NTF3: variants seen among roughly 807,000 people sequenced by gnomAD.
The protein encoded by NTF3 is neurotrophin 3.
Under a neutral mutation model 26.3 loss-of-function variants are expected in NTF3, and 8 were observed. The observed-to-expected ratio is 0.30, with a 90% confidence interval of 0.18 to 0.55. NTF3 has a LOEUF of 0.55. Ranked by LOEUF, NTF3 falls within the 20% of genes least tolerant of loss-of-function variation. NTF3 has a pLI of 0.93. For synonymous variants in NTF3, 154 were observed against 145.5 expected, an observed-to-expected ratio of 1.06 and a Z score of -0.42; for missense variants, 276 against 352.9, an observed-to-expected ratio of 0.78 and a Z score of 1.75.
chr12:5,485,746 TG>T (rs1159591986), intron 1 of NTF3, among the ~76,000 whole-genome samples: 2 of 152,194 alleles, frequency 1.3e-5, no homozygotes, highest in African/African-American at 4.8e-5. Context: ...TGTTTGGGGC[TG>T]GAGTCACAGT....
At chr12:5,486,614 A>T (rs1033022426) in intron 1 of NTF3, among the ~76,000 whole-genome samples, 1 of 152,138 alleles carries the variant, frequency 6.6e-6, no homozygotes, top group Non-Finnish European at 1.5e-5. Context: ...AAACAAAAAC[A>T]TTGACTTGGG....
chr12:5,490,353 T>A (rs1301485978), intron 1 of NTF3, among the ~76,000 whole-genome samples: 1 of 152,176 alleles, frequency 6.6e-6, no homozygotes, highest in Non-Finnish European at 1.5e-5. Context: ...CAAGGATGTG[T>A]GGATGGAAAG....
At chr12:5,454,793 A>G (rs765239749) in intron 1 of NTF3, among the ~76,000 whole-genome samples, 1 of 152,022 alleles carries the variant, frequency 6.6e-6, no homozygotes, top group South Asian at 2.1e-4. Context: ...AAAAAGGGGG[A>G]GTAGATGGAG....
chr12:5,451,991 C>T (rs1940378910), intron 1 of NTF3, among the ~76,000 whole-genome samples: 1 of 152,128 alleles, frequency 6.6e-6, no homozygotes, highest in African/African-American at 2.4e-5. Flanking sequence ...CCATGCCCAG[C>T]TCCCTTTTAT....
At chr12:5,471,306 C>T (rs555654523) in intron 1 of NTF3, among the ~76,000 whole-genome samples, 2 of 152,270 alleles carry the variant, frequency 1.3e-5, no homozygotes, top group Non-Finnish European at 2.9e-5. Context: ...TGTCATTTTC[C>T]TTGTCGGGCT....
chr12:5,478,101 C>G (rs1192193598), intron 1 of NTF3, among the ~76,000 whole-genome samples: 1 of 152,182 alleles, frequency 6.6e-6, no homozygotes, highest in Non-Finnish European at 1.5e-5. Flanking sequence ...ATCAAATGTG[C>G]TTTTAATTGA....
chr12:5,455,935 T>C (rs899108908), intron 1 of NTF3, among the ~76,000 whole-genome samples: 2 of 152,202 alleles, frequency 1.3e-5, no homozygotes, highest in Non-Finnish European at 2.9e-5. Context: ...AGACATTCTC[T>C]GGCAGTCTGG....
chr12:5,488,619 A>G (rs1204854501), intron 1 of NTF3, among the ~76,000 whole-genome samples: 3 of 152,170 alleles, frequency 2.0e-5, no homozygotes. Flanking sequence ...TCTTTTATAT[A>G]TGGCCTTAGT....
At chr12:5,484,187 C>T (rs1300371083) in intron 1 of NTF3, among the ~76,000 whole-genome samples, 18 of 152,172 alleles carry the variant, frequency 1.2e-4, no homozygotes, top group African/African-American at 4.1e-4. Context: ...GGTTCCAGCT[C>T]TTGTACTGAT....
chr12:5,474,754 G>A (rs188954014), intron 1 of NTF3, among the ~76,000 whole-genome samples: 6 of 152,284 alleles, frequency 3.9e-5, no homozygotes, highest in African/African-American at 9.6e-5. Flanking sequence ...TAATCCAGGC[G>A]AAAGAGGTAG....
intron 1 of NTF3, among the ~76,000 whole-genome samples, chr12:5,446,763 G>A (rs971107464): frequency 6.6e-6 from 1 of 152,208 alleles, no homozygotes; most frequent in Non-Finnish European, 1.5e-5. Context: ...ATGCTGTCAG[G>A]CATGCTGGAG....
At chr12:5,477,352 G>A (rs1940737653) in intron 1 of NTF3, among the ~76,000 whole-genome samples, 1 of 152,180 alleles carries the variant, frequency 6.6e-6, no homozygotes, top group African/African-American at 2.4e-5. Flanking sequence ...AACCCAAAAA[G>A]CCCTGAAAAC....
rs1940459249 is a variant in NTF3, at chr12:5,456,890, G to A, written c.18+24548G>A. Among the ~76,000 whole-genome samples, 1 of 152,192 alleles carries A rather than the reference G, an allele frequency of 6.6e-6. No homozygotes were observed. The highest frequency in any genetic ancestry group is 2.4e-5 in the African/African-American group (1 of 41,444). ...ACTGCTGTGTAGCTACCATGAGTGT[G>A]CTGAGTGGCCCATAGGGGCAGGTAT... On this transcript the variant is annotated intron_variant, in intron 1 of 1. Coordinates refer to ENST00000423158, the MANE Select transcript of NTF3 (RefSeq NM_001102654.2). This position sits in a 1 kb window ranked among gnomAD's most constrained non-coding sequence, Gnocchi z 4.4.
intron 1 of NTF3, among the ~76,000 whole-genome samples, chr12:5,444,393 T>G: frequency 6.6e-6 from 1 of 150,664 alleles, no homozygotes; most frequent in African/African-American, 2.5e-5. Context: ...AGAGCAGGAG[T>G]CCCCAGCAAC....
At chr12:5,470,125 G>A (rs889243053) in intron 1 of NTF3, among the ~76,000 whole-genome samples, 3 of 152,052 alleles carry the variant, frequency 2.0e-5, no homozygotes, top group South Asian at 2.1e-4. Context: ...GGGGATTCAC[G>A]GTGTTAGCCA....
chr12:5,457,007 G>A (rs1004005676), intron 1 of NTF3, among the ~76,000 whole-genome samples: 1 of 152,106 alleles, frequency 6.6e-6, no homozygotes, highest in Non-Finnish European at 1.5e-5. Flanking sequence ...GAGCAGACAC[G>A]GTCTGTGCCT....
intron 1 of NTF3, among the ~76,000 whole-genome samples, chr12:5,492,678 AAG>A (rs1940952525): frequency 6.6e-6 from 1 of 152,180 alleles, no homozygotes; most frequent in African/African-American, 2.4e-5. Context: ...CCATGGAAAG[AAG>A]ATGGTCTCCT....
intron 1 of NTF3, among the ~76,000 whole-genome samples, chr12:5,457,367 G>A (rs1029452729): frequency 1.3e-5 from 2 of 151,996 alleles, no homozygotes; most frequent in African/African-American, 2.4e-5. Flanking sequence ...TTGCAATCTG[G>A]CTTCTACCAT....
At chr12:5,431,649 C>T (rs1305379288), upstream of NTF3, among the ~76,000 whole-genome samples, 1 of 152,020 alleles carries the variant, frequency 6.6e-6, no homozygotes, top group Non-Finnish European at 1.5e-5. Context: ...AGACCTGATC[C>T]TCCTGAGGAA....
Sources: gnomAD v4.1 joint callset for allele counts (sites outside exome capture counted in the v4.1 genomes callset) on GRCh38, gnomAD v4.1.1 for gene constraint, Gnocchi (gnomAD v3.1) non-coding constraint, MANE v1.5 for transcripts, NCBI Gene and HGNC (gene_info 2026-07-23, HGNC 2026-07-21) for gene names.